SLC5A10: variants seen among roughly 807,000 people sequenced by gnomAD.
SLC5A10 encodes the protein solute carrier family 5 member 10.
Under a neutral mutation model 68.9 loss-of-function variants are expected in SLC5A10, and 55 were observed. That is an observed-to-expected ratio of 0.80 (90% CI 0.64 to 1.00). SLC5A10 has a LOEUF of 1.00. SLC5A10 is among the 50% of genes least tolerant of loss of function. SLC5A10 has a pLI of 0.00. For missense variants in SLC5A10, 732 were observed against 819.3 expected (o/e 0.89, Z 1.30); for synonymous variants, 344 against 344.8 (o/e 1.00, Z 0.02).
rs897417855 is a variant in SLC5A10, at chr17:18,968,079, T to C, written c.454-973T>C. Among the ~76,000 whole-genome samples, 7 of 152,152 alleles carry C rather than the reference T, an allele frequency of 4.6e-5. No individual in the cohort carries two copies. The highest frequency in any genetic ancestry group is 7.4e-5 in the Non-Finnish European group (5 of 68,008). ...CTTTGGAGCCAGATCCCATCCTGCC[T>C]GGGCCCTGTGTCAGACCCCAGGAGG... is the stretch of plus-strand genomic sequence containing the variant. On this transcript the variant is annotated intron_variant, in intron 5 of 14. Transcript: ENST00000395645. This position sits in a 1 kb window ranked among gnomAD's most constrained non-coding sequence, Gnocchi z 4.1.
chr17:18,954,438 T>C (rs1168133820), intron 1 of SLC5A10, among the ~76,000 whole-genome samples: 2 of 152,292 alleles, frequency 1.3e-5, no homozygotes, highest in South Asian at 4.1e-4. Flanking sequence ...CCCCTGGAAG[T>C]AGGGCTGTAG....
Position 19,021,791 on chromosome 17 carries a change from G to A in SLC5A10, c.*1360G>A, listed in dbSNP as rs113703856. On this transcript the variant is annotated 3_prime_UTR_variant, in exon 15 of 15. Coordinates refer to ENST00000395645, the MANE Select transcript of SLC5A10 (RefSeq NM_001042450.4). This position sits in a 1 kb window ranked among gnomAD's most constrained non-coding sequence, Gnocchi z 4.1. ...CTGGGTACCCTTGCTGGGGGACCTG[G>A]GCCATCCCAGTTTGTGCAGAGCGGC... 1.6e-4 allele frequency: 92 copies of A among 580,326 alleles called. 1 individual carries two copies. Among genetic ancestry groups the A allele is most frequent in the African/African-American group, 1.5e-3 (79 of 51,850 alleles). The allele number at this position is 580,326 out of a possible 1,614,324, so 35.9% of individuals were successfully genotyped here. A position where few individuals can be genotyped will look rare whatever the true frequency, so the allele number is the denominator to read the frequency against.
chr17:18,989,680 G>A (rs1278731221), intron 9 of SLC5A10, among the ~76,000 whole-genome samples: 3 of 152,200 alleles, frequency 2.0e-5, no homozygotes, highest in East Asian at 1.9e-4. Context: ...GGTGATGCCC[G>A]TTTGCTGCCT....
At chr17:18,953,569 G>C (rs1421709171) in intron 1 of SLC5A10, 1 of 152,622 alleles carries the variant, frequency 6.6e-6, no homozygotes, top group East Asian at 1.9e-4. Context: ...CCTGGGGTGA[G>C]GTCTGCTATC....
rs556113751 is a variant in SLC5A10, at chr17:19,020,825, C to T, written c.*394C>T. 31 of 200,868 alleles carry T rather than the reference C, an allele frequency of 1.5e-4. No homozygotes were observed. The highest frequency in any genetic ancestry group is 6.4e-4 in the African/African-American group (28 of 43,520). 12.4% of individuals were successfully genotyped at this position (200,868 alleles called of 1,614,324 possible). On this transcript the variant is annotated 3_prime_UTR_variant, in exon 15 of 15. Transcript: ENST00000395645. ...AGCCCCACATGCCCAGAGCAAGGCC[C>T]CCCATTAAGGGACTGCAGCCACCTC... is the stretch of plus-strand genomic sequence containing the variant.
intron 9 of SLC5A10, among the ~76,000 whole-genome samples, chr17:18,992,017 T>G (rs1567800262): frequency 6.6e-6 from 1 of 152,106 alleles, no homozygotes; most frequent in Non-Finnish European, 1.5e-5. Flanking sequence ...AGCAGGGATG[T>G]GGGCACTCCT....
At chr17:18,978,867 G>A (rs1440677966) in intron 9 of SLC5A10, 32 of 1,609,624 alleles carry the variant, frequency 2.0e-5, no homozygotes, top group Non-Finnish European at 2.6e-5. Flanking sequence ...CAGAGGGAGG[G>A]GGCGCTGGTC....
At chr17:18,958,814 T>G in intron 2 of SLC5A10, 61 bp downstream of exon 2, 249 of 1,552,756 alleles carry the variant, frequency 1.6e-4, no homozygotes, top group Non-Finnish European at 2.0e-4. Context: ...GTCTGATCTC[T>G]AGGTCACCTG....
chr17:18,981,772 C>T (rs1019069793), intron 9 of SLC5A10, among the ~76,000 whole-genome samples: 1 of 152,216 alleles, frequency 6.6e-6, no homozygotes, highest in Non-Finnish European at 1.5e-5. Flanking sequence ...CTCGCCGGCC[C>T]CCCACCCCGC....
chr17:18,950,686 A>T, upstream of SLC5A10: 1 of 985,300 alleles, frequency 1.0e-6, no homozygotes, highest in Non-Finnish European at 1.2e-6. Context: ...CTAGTCCTGT[A>T]TGTGAGGACT....
intron 9 of SLC5A10, among the ~76,000 whole-genome samples, chr17:18,994,715 T>C (rs527930102): frequency 1.3e-5 from 2 of 152,340 alleles, no homozygotes; most frequent in East Asian, 3.9e-4. Context: ...GCCTCAGCAG[T>C]TGACAAATAA....
chr17:18,963,607 A>G (rs2042653276), intron 5 of SLC5A10, among the ~76,000 whole-genome samples: 1 of 152,172 alleles, frequency 6.6e-6, no homozygotes, highest in South Asian at 2.1e-4. Context: ...AGAGGCCCTG[A>G]CCTCACTGGG....
chr17:18,990,559 G>A (rs2043390865), intron 9 of SLC5A10, among the ~76,000 whole-genome samples: 1 of 152,204 alleles, frequency 6.6e-6, no homozygotes, highest in African/African-American at 2.4e-5. Context: ...CTTGGGCTGG[G>A]GGACGTGCCC....
Position 19,020,026 on chromosome 17 carries a change from T to TGGACTACCTAGCCCC in SLC5A10, c.1626+100_1627-113dup, listed in dbSNP as rs915412111. The stretch of plus-strand genomic sequence containing the variant: ...ACTCTGACTCAGAATTTTCTAGCCC[T>TGGACTACCTAGCCCC]GGACTACCTAGCCCCGTCCCTTTTT... On this transcript the variant is annotated intron_variant, in intron 13 of 14. Coordinates refer to ENST00000395645, the MANE Select transcript of SLC5A10 (RefSeq NM_001042450.4). 1.1e-5 allele frequency: 16 copies of TGGACTACCTAGCCCC among 1,438,440 alleles called. No homozygotes were observed. The African/African-American group carries it at 1.6e-4, about 14-fold the overall frequency. 89.1% of individuals were successfully genotyped at this position (1,438,440 alleles called of 1,614,324 possible).
intron 8 of SLC5A10, chr17:18,976,173 G>T (rs902791117): frequency 9.3e-5 from 3 of 32,178 alleles, no homozygotes; most frequent in Non-Finnish European, 2.0e-4. Context: ...GGGCGACAGA[G>T]CAAGACTCCG....
In SLC5A10 at chr17:19,013,476, A is replaced by G; in HGVS notation, c.1049A>G (p.Asn350Ser). The G allele has an allele frequency of 6.3e-7, 1 of 1,589,026 alleles. No homozygotes were observed. The highest frequency in any genetic ancestry group is 8.6e-7 in the Non-Finnish European group (1 of 1,167,964). The change falls in exon 10 of 15, where the codon AAC becomes AGC. Residue 350 changes from asparagine to serine, a missense_variant. Physicochemically the swap from Asn to Ser is conservative, Grantham distance 46 (BLOSUM62 1). Transcript: ENST00000395645. Reference protein sequence around the residue: ...RACGAEVGCSNIAYPKLVMEL... With the variant: ...RACGAEVGCSSIAYPKLVMEL... ...TGCGGGGCCGAGGTCGGCTGCTCCA[A>G]CATCGCCTACCCCAAGCTGGTCATG...
chr17:19,006,403 C>CTTTTTTCT lies in SLC5A10; in HGVS notation c.983-7001_983-7000insCTTTTTTT, dbSNP rs1197465012. On this transcript the variant is annotated intron_variant, in intron 9 of 14. Coordinates refer to ENST00000395645, the MANE Select transcript of SLC5A10 (RefSeq NM_001042450.4). ...TAATTTTTTTTCTTTTTTCTTTTTT[C>CTTTTTTCT]TTTTTTTTTTTTTTTTGTAGAGACA... is the stretch of plus-strand genomic sequence containing the variant. Among the ~76,000 whole-genome samples the CTTTTTTCT allele has an allele frequency of 4.3e-5, 6 of 138,444 alleles. No homozygotes were observed. The East Asian group carries it at 1.0e-3, about 24-fold the overall frequency. The allele number at this position is 138,444 out of a possible 152,430, so 90.8% of individuals were successfully genotyped here.
chr17:18,989,718 C>A (rs2043363524), intron 9 of SLC5A10, among the ~76,000 whole-genome samples: 2 of 152,240 alleles, frequency 1.3e-5, no homozygotes, highest in East Asian at 1.9e-4. Flanking sequence ...CGCACGTTCC[C>A]ATTTACAGGG....
chr17:18,969,013 G>A (rs1356789380), intron 5 of SLC5A10, 39 bp from the exon 6 acceptor site: 51 of 1,581,404 alleles, frequency 3.2e-5, no homozygotes, highest in Non-Finnish European at 4.4e-5. Flanking sequence ...CTGGAGCCCT[G>A]GGAATAACAG....
Sources: allele counts gnomAD v4.1 joint callset (sites outside exome capture counted in the v4.1 genomes callset), GRCh38; gene constraint gnomAD v4.1.1; non-coding constraint Gnocchi (gnomAD v3.1); transcripts MANE v1.5; gene names NCBI Gene and HGNC (gene_info 2026-07-23, HGNC 2026-07-21).